The following YBEY variants were observed in gnomAD, a reference collection of about 807,000 sequenced individuals.
The protein encoded by YBEY is ybeY metalloendoribonuclease, also known as endoribonuclease YbeY.
Under a neutral mutation model 13.5 loss-of-function variants are expected in YBEY, and 15 were observed. The observed-to-expected ratio is 1.11, with a 90% CI of 0.75 to 1.72. YBEY has a LOEUF of 1.72. Among genes scored for constraint, YBEY ranks in the 40% most tolerant of loss-of-function variants. YBEY has a pLI of 0.00. For synonymous variants in YBEY, 101 were observed against 83.1 expected, an observed-to-expected ratio of 1.21 and a Z score of -1.17; for missense variants, 244 against 208.4, an observed-to-expected ratio of 1.17 and a Z score of -1.05.
chr21:46,288,974 A>G (rs1372320066), intron 2 of YBEY, among the ~76,000 whole-genome samples: 1 of 152,172 alleles, frequency 6.6e-6, no homozygotes, highest in Non-Finnish European at 1.5e-5. Context: ...CAGTGAGCCA[A>G]GACTGCACCT....
At chr21:46,297,253 C>T (rs1365248755) in intron 4 of YBEY, among the ~76,000 whole-genome samples, 1 of 149,082 alleles carries the variant, frequency 6.7e-6, no homozygotes, top group East Asian at 1.9e-4. Context: ...GAGCCCTCCT[C>T]CCCTCCTCCC....
intron 2 of YBEY, among the ~76,000 whole-genome samples, chr21:46,287,826 A>C (rs1248908836): frequency 8.1e-6 from 1 of 123,116 alleles, no homozygotes; most frequent in Non-Finnish European, 1.9e-5. Context: ...CCCTGCCTCT[A>C]CTAAAAACAC....
chr21:46,289,934 T>TCC (rs2081625511), intron 2 of YBEY, among the ~76,000 whole-genome samples: 7 of 149,568 alleles, frequency 4.7e-5, no homozygotes, highest in Admixed American at 1.3e-4. Flanking sequence ...AGGTTGCAGT[T>TCC]TTGTGTGTGT....
At chr21:46,292,324 C>G (rs942546411) in intron 3 of YBEY, 4 of 152,244 alleles carry the variant, frequency 2.6e-5, no homozygotes, top group African/African-American at 9.7e-5. Context: ...GAAGCAAGGC[C>G]TGCGGGCTGG....
Position 46,297,685 on chromosome 21 carries a change from G to A in YBEY, c.*51G>A. On this transcript the variant is annotated 3_prime_UTR_variant, in exon 5 of 5. Coordinates refer to ENST00000397701, the MANE Select transcript of YBEY (RefSeq NM_001314025.2). Reference sequence around the variant, plus strand: ...ACGCGGGAGGGGTGGAGGCTGCGGGGAGCCGGGGTCGCACACGAATAAATA... The same window carrying A: ...ACGCGGGAGGGGTGGAGGCTGCGGGAAGCCGGGGTCGCACACGAATAAATA... 1 of 1,272,824 alleles carries A rather than the reference G, an allele frequency of 7.9e-7. No homozygotes were observed. Among genetic ancestry groups the A allele is most frequent in the Non-Finnish European group, 1.0e-6 (1 of 998,938 alleles). The allele number at this position is 1,272,824 out of a possible 1,614,324, so 78.8% of individuals were successfully genotyped here. A position where few individuals can be genotyped will look rare whatever the true frequency, so the allele number is the denominator to read the frequency against.
the YBEY span, among the ~76,000 whole-genome samples, chr21:46,305,327 C>CTTT: frequency 6.9e-4 from 75 of 109,148 alleles, no homozygotes; most frequent in Non-Finnish European, 1.0e-3. Context: ...ACAAATTAAT[C>CTTT]TTTTTTTTTT....
At position 46,297,550 on chromosome 21, in the gene YBEY, G is replaced by T. The variant is rs775531479; in HGVS notation, c.420G>T (p.Lys140Asn). 2.9e-6 allele frequency: 4 copies of T among 1,394,964 alleles called. No individual in the cohort carries two copies. The East Asian group carries it at 1.2e-4, about 42-fold the overall frequency. 86.4% of individuals were successfully genotyped at this position (1,394,964 alleles called of 1,614,324 possible). The change falls in exon 5 of 5, where the codon AAG becomes AAT. Residue 140 changes from lysine (K) to asparagine (N), a missense_variant. Transcript: ENST00000397701. ...TTCCTTCCTTCCAGATGTTCCAGAA[G>T]GAGAAGGCGGTGCTGGACGAGCTGG... The part of the protein sequence containing the change: ...TEAEWQQMFQ[K>N]EKAVLDELGR...
At chr21:46,304,216 G>A in the YBEY span, among the ~76,000 whole-genome samples, 18 of 151,682 alleles carry the variant, frequency 1.2e-4, no homozygotes, top group African/African-American at 3.9e-4. Context: ...ATTTTTAGTA[G>A]AGATGGGGTT....
intron 3 of YBEY, 63 bp from the exon 4 acceptor site, chr21:46,296,099 G>T (rs1030729511): frequency 3.9e-5 from 62 of 1,582,460 alleles, no homozygotes; most frequent in Non-Finnish European, 5.3e-5. Context: ...GCCCTGGGGT[G>T]GCCCTGAAGG....
chr21:46,301,776 C>T, downstream of YBEY: 1 of 1,235,960 alleles, frequency 8.1e-7, no homozygotes, highest in Non-Finnish European at 1.0e-6. Context: ...AGGCCCCTCA[C>T]TGCAGGGGAC....
At position 46,297,676 on chromosome 21, in the gene YBEY, G is replaced by A. The variant is rs1187096920; in HGVS notation, c.*42G>A. Reference sequence around the variant, plus strand: ...GAAAGCGGGACGCGGGAGGGGTGGAGGCTGCGGGGAGCCGGGGTCGCACAC... The same window carrying A: ...GAAAGCGGGACGCGGGAGGGGTGGAAGCTGCGGGGAGCCGGGGTCGCACAC... On this transcript the variant is annotated 3_prime_UTR_variant, in exon 5 of 5. Coordinates refer to ENST00000397701, the MANE Select transcript of YBEY (RefSeq NM_001314025.2). 9 of 1,276,196 alleles carry A rather than the reference G, an allele frequency of 7.1e-6. No homozygotes were observed. Among genetic ancestry groups the A allele is most frequent in the Non-Finnish European group, 9.0e-6 (9 of 1,000,598 alleles). The allele number at this position is 1,276,196 out of a possible 1,614,324, so 79.1% of individuals were successfully genotyped here.
intron 1 of YBEY, 168 bp from the exon 2 acceptor site, chr21:46,286,702 C>A: frequency 2.2e-6 from 1 of 447,090 alleles, no homozygotes; most frequent in East Asian, 3.9e-5. Flanking sequence ...TCCGCGGCAT[C>A]CTTCCATAGA....
downstream of YBEY, chr21:46,302,006 G>A (rs766522458): frequency 4.6e-5 from 70 of 1,531,558 alleles, no homozygotes; most frequent in South Asian, 7.9e-4. Context: ...CACTCAGGGT[G>A]GGCCAGGCGT....
rs115622469 is a variant in YBEY at position 46,291,495 on chromosome 21, C to T, written c.339+33C>T. The T allele has an allele frequency of 5.3e-4, 858 of 1,611,662 alleles. 6 individuals carry two copies. The African/African-American group carries it at 0.01, about 19-fold the overall frequency. ...GGGATGCTGAAATCATATAACCTGG[C>T]TCATGGAACATGGGCCTTGCAAAGG... On this transcript the variant is annotated intron_variant, in intron 3 of 4. Transcript: ENST00000397701.
At chr21:46,300,348 A>C (rs1161423498), downstream of YBEY, 1 of 159,288 alleles carries the variant, frequency 6.3e-6, no homozygotes, top group Non-Finnish European at 1.4e-5. Context: ...GGAGAATGGC[A>C]TGAACCTGGG....
At chr21:46,299,736 A>T (rs2082060909), downstream of YBEY, among the ~76,000 whole-genome samples, 1 of 151,302 alleles carries the variant, frequency 6.6e-6, no homozygotes, top group African/African-American at 2.4e-5. Flanking sequence ...ACAGGTGTGC[A>T]CAATGTGCCC....
the YBEY span, among the ~76,000 whole-genome samples, chr21:46,302,978 C>T: frequency 6.6e-6 from 1 of 151,378 alleles, no homozygotes; most frequent in Non-Finnish European, 1.5e-5. Flanking sequence ...TGCGGGTCCC[C>T]GGGGCGCGCC....
At chr21:46,291,895 G>T in intron 3 of YBEY, 1 of 941,394 alleles carries the variant, frequency 1.1e-6, no homozygotes, top group Non-Finnish European at 1.3e-6. Context: ...TGCAATTGTG[G>T]TATTGCAGTA....
chr21:46,286,715 C>T, intron 1 of YBEY, 155 bp from the exon 2 acceptor site: 1 of 563,808 alleles, frequency 1.8e-6, no homozygotes, highest in Non-Finnish European at 3.1e-6. Context: ...TCCATAGACC[C>T]TCGTTGTTGC....
Sources: allele counts gnomAD v4.1 joint callset (sites outside exome capture counted in the v4.1 genomes callset), GRCh38; gene constraint gnomAD v4.1.1; transcripts MANE v1.5; gene names NCBI Gene and HGNC (gene_info 2026-07-23, HGNC 2026-07-21).